EMILIN2: variants seen among roughly 807,000 people sequenced by gnomAD.
EMILIN2 encodes the protein EMILIN-2.
Under a neutral mutation model 87.1 loss-of-function variants are expected in EMILIN2, and 71 were observed. The ratio of observed to expected loss-of-function variants is 0.82; its 90% confidence interval spans 0.67 to 0.99. The LOEUF (loss-of-function observed/expected upper bound fraction) is 0.99. Among genes scored for constraint, EMILIN2 ranks in the 50% least tolerant of loss-of-function variants. The pLI is 0.00. For synonymous variants in EMILIN2, 581 were observed against 563.4 expected (o/e 1.03, Z -0.44); for missense variants, 1,407 against 1,371.8 (o/e 1.03, Z -0.40).
At chr18:2,883,875 C>T (rs1272269132) in intron 2 of EMILIN2, among the ~76,000 whole-genome samples, 1 of 152,218 alleles carries the variant, frequency 6.6e-6, no homozygotes, top group African/African-American at 2.4e-5. Flanking sequence ...TGGTGGCTAC[C>T]TTTGCTAGCA....
intron 2 of EMILIN2, among the ~76,000 whole-genome samples, chr18:2,871,689 G>A (rs2076720800): frequency 6.6e-6 from 1 of 152,186 alleles, no homozygotes; most frequent in African/African-American, 2.4e-5. Flanking sequence ...TTAGTTCATG[G>A]CCTGTCATTT....
intron 2 of EMILIN2, among the ~76,000 whole-genome samples, chr18:2,859,051 A>C (rs988439591): frequency 3.9e-5 from 6 of 152,158 alleles, no homozygotes; most frequent in Non-Finnish European, 7.3e-5. Context: ...TCTTTTTCAT[A>C]TAATGACTTC....
chr18:2,902,503 G>A (rs1329501294), intron 4 of EMILIN2, among the ~76,000 whole-genome samples: 1 of 152,186 alleles, frequency 6.6e-6, no homozygotes, highest in East Asian at 1.9e-4. Flanking sequence ...GACTTCAGGA[G>A]TGGGTGCCGT....
At chr18:2,865,528 A>G (rs1180930458) in intron 2 of EMILIN2, among the ~76,000 whole-genome samples, 1 of 152,166 alleles carries the variant, frequency 6.6e-6, no homozygotes, top group Non-Finnish European at 1.5e-5. Flanking sequence ...AACAGCGGAT[A>G]TTGGTGAACA....
At chr18:2,895,848 G>T (rs1306963028) in intron 4 of EMILIN2, among the ~76,000 whole-genome samples, 1 of 152,246 alleles carries the variant, frequency 6.6e-6, no homozygotes, top group Non-Finnish European at 1.5e-5. Flanking sequence ...GGGGAGGGAA[G>T]GGGGATTAAT....
chr18:2,892,203 G>A lies in EMILIN2; in HGVS notation c.2076G>A (p.Thr692=), dbSNP rs3810066. Residue 692 remains threonine, a synonymous_variant, in exon 4 of 8, where the codon ACG becomes ACA. Coordinates refer to ENST00000254528, the MANE Select transcript of EMILIN2 (RefSeq NM_032048.3). ...ISELDACKEC[T]QGVQREVSMV... ...AGCTGGATGCTTGTAAGGAATGCACGCAGGGGGTCCAGAGGGAGGTCTCCA... is the reference window on the plus strand; with the variant it reads ...AGCTGGATGCTTGTAAGGAATGCACACAGGGGGTCCAGAGGGAGGTCTCCA... 1.0e-3 allele frequency: 1,684 copies of A among 1,607,764 alleles called. 13 individuals are homozygous for A. Among genetic ancestry groups the A allele is most frequent in the East Asian group, 2.8e-3 (124 of 44,754 alleles).
chr18:2,858,005 C>T (rs2076636578), intron 2 of EMILIN2, among the ~76,000 whole-genome samples: 1 of 152,182 alleles, frequency 6.6e-6, no homozygotes, highest in Admixed American at 6.5e-5. Context: ...GCACAGATCT[C>T]CTTCTCACGG....
At chr18:2,893,637 C>T (rs2076850293) in intron 4 of EMILIN2, among the ~76,000 whole-genome samples, 1 of 152,194 alleles carries the variant, frequency 6.6e-6, no homozygotes, top group Admixed American at 6.5e-5. Flanking sequence ...TCTGAGACAG[C>T]CTCCGACATA....
In EMILIN2 at chr18:2,907,085, G is replaced by C; in HGVS notation, c.2662G>C (p.Gly888Arg). The C allele has an allele frequency of 8.0e-7, 1 of 1,245,590 alleles. No individual in the cohort carries two copies. Among genetic ancestry groups the C allele is most frequent in the Non-Finnish European group, 1.0e-6 (1 of 996,774 alleles). The allele number at this position is 1,245,590 out of a possible 1,614,324, so 77.2% of individuals were successfully genotyped here. The change falls in exon 5 of 8, where the codon GGA becomes CGA. Residue 888 changes from glycine (G) to arginine (R), a missense_variant and splice_region_variant. Gly to Arg is a moderately radical substitution (Grantham distance 125). Transcript: ENST00000254528. The stretch of plus-strand genomic sequence containing the variant: ...CGCAGAAGGCTTCGCGGGCGCACCA[G>C]GTGAGGCCCGGGGCTGCGCGGGGAG... ...PGAEGFAGAP[G>R]YPKSPPVASP...
chr18:2,907,046 GGCACCGTCCCCGGC>G lies in EMILIN2; in HGVS notation c.2627_2640del (p.Thr876ArgfsTer40). 1.6e-6 allele frequency: 2 copies of G among 1,277,652 alleles called. No individual in the cohort carries two copies. The highest frequency in any genetic ancestry group is 2.0e-6 in the Non-Finnish European group (2 of 1,016,650). The allele number at this position is 1,277,652 out of a possible 1,614,324, so 79.1% of individuals were successfully genotyped here. A position where few individuals can be genotyped will look rare whatever the true frequency, so the allele number is the denominator to read the frequency against. Reference sequence around the variant, plus strand: ...GGGCGTGGACGGCCAGACCGGGAGCGGCACCGTCCCCGGCGCAGAAGGCTTCGCGGGCGCACCAG... The same window carrying G: ...GGGCGTGGACGGCCAGACCGGGAGCGGCAGAAGGCTTCGCGGGCGCACCAG... On this transcript the variant is annotated frameshift_variant, in exon 5 of 8. Coordinates refer to ENST00000254528, the MANE Select transcript of EMILIN2 (RefSeq NM_032048.3). LOFTEE classifies it high-confidence loss of function.
At chr18:2,897,072 T>C (rs1428298914) in intron 4 of EMILIN2, among the ~76,000 whole-genome samples, 6 of 152,198 alleles carry the variant, frequency 3.9e-5, no homozygotes, top group South Asian at 2.1e-4. Flanking sequence ...AAACCCAGAA[T>C]AGTGGTATGG....
At position 2,890,630 on chromosome 18, in the gene EMILIN2, G is replaced by C. The variant is rs779996112; in HGVS notation, c.503G>C (p.Trp168Ser). The C allele has an allele frequency of 2.5e-6, 4 of 1,613,208 alleles. No individual in the cohort carries two copies. Among genetic ancestry groups the C allele is most frequent in the Non-Finnish European group, 3.4e-6 (4 of 1,179,372 alleles). ...LSPTGTAQPS[W>S]GVDPKEGPQE... ...CCAACTGGTACAGCACAACCAAGCT[G>C]GGGGGTAGATCCAAAAGAGGGGCCT... Residue 168 changes from tryptophan (W) to serine (S), a missense_variant, in exon 4 of 8, where the codon TGG becomes TCG. Trp to Ser is a radical substitution (Grantham distance 177, BLOSUM62 -3). Transcript: ENST00000254528. This position sits in a 1 kb window ranked among gnomAD's most constrained non-coding sequence, Gnocchi z 4.7.
At chr18:2,910,865 G>A (rs190212145) in intron 7 of EMILIN2, among the ~76,000 whole-genome samples, 21 of 152,320 alleles carry the variant, frequency 1.4e-4, no homozygotes, top group East Asian at 1.4e-3. Flanking sequence ...AATTCTCAGT[G>A]CCCCAGGCTG....
At position 2,915,457 on chromosome 18, in the gene EMILIN2, A is replaced by AGT. The variant is rs1054176445; in HGVS notation, c.*2054_*2055dup. 4 of 152,104 alleles carry AGT rather than the reference A, an allele frequency of 2.6e-5. No individual in the cohort carries two copies. Among genetic ancestry groups the AGT allele is most frequent in the African/African-American group, 2.4e-5 (1 of 41,394 alleles). 9.4% of individuals were successfully genotyped at this position (152,104 alleles called of 1,614,324 possible). ...CCCTTCAAGAAGTCATCACCCCTGAAGTAGTGCCTGCGAGTCAGTCAGAGG... is the reference window on the plus strand; with the variant it reads ...CCCTTCAAGAAGTCATCACCCCTGAAGTGTAGTGCCTGCGAGTCAGTCAGAGG... On this transcript the variant is annotated 3_prime_UTR_variant, in exon 8 of 8. Transcript: ENST00000254528.
In EMILIN2 at chr18:2,915,089, C is replaced by G. The variant is rs559804798; in HGVS notation, c.*1685C>G. ...CGCACTCGGCGCCCAAGGGGACGTG[C>G]TCAAGAGCTGCAGGGGCAGGGCCCA... On this transcript the variant is annotated 3_prime_UTR_variant, in exon 8 of 8. Coordinates refer to ENST00000254528, the MANE Select transcript of EMILIN2 (RefSeq NM_032048.3). 5 of 152,240 alleles carry G rather than the reference C, an allele frequency of 3.3e-5. No individual in the cohort carries two copies. The highest frequency in any genetic ancestry group is 1.2e-4 in the African/African-American group (5 of 41,512). 9.4% of individuals were successfully genotyped at this position (152,240 alleles called of 1,614,324 possible).
chr18:2,905,334 A>G (rs1355289487), intron 4 of EMILIN2, among the ~76,000 whole-genome samples: 1 of 143,104 alleles, frequency 7.0e-6, no homozygotes, highest in Non-Finnish European at 1.5e-5. Flanking sequence ...TGCCATATTT[A>G]TCTTAGTTTT....
At chr18:2,889,780 T>A (rs2076824880) in intron 3 of EMILIN2, among the ~76,000 whole-genome samples, 1 of 150,076 alleles carries the variant, frequency 6.7e-6, no homozygotes, top group Non-Finnish European at 1.5e-5. Flanking sequence ...GCCATCTTCC[T>A]GCCTCCCTAG....
chr18:2,877,270 C>G (rs1208675746), intron 2 of EMILIN2, among the ~76,000 whole-genome samples: 1 of 151,372 alleles, frequency 6.6e-6, no homozygotes, highest in Non-Finnish European at 1.5e-5. Flanking sequence ...CTGGACAGAA[C>G]TACTTTTCCT....
chr18:2,912,952 A>G, intron 7 of EMILIN2, 115 bp from the exon 8 acceptor site: 1 of 1,088,068 alleles, frequency 9.2e-7, no homozygotes, highest in Non-Finnish European at 1.3e-6. Context: ...CTACCATGGG[A>G]AGACAGAGAT....
Sources: allele counts gnomAD v4.1 joint callset (sites outside exome capture counted in the v4.1 genomes callset), GRCh38; gene constraint gnomAD v4.1.1; non-coding constraint Gnocchi (gnomAD v3.1); transcripts MANE v1.5; gene names NCBI Gene and HGNC (gene_info 2026-07-23, HGNC 2026-07-21).